SERPINF1: variants seen among roughly 807,000 people sequenced by gnomAD.
SERPINF1 encodes the protein serpin family F member 1.
Under a neutral mutation model 37.3 loss-of-function variants are expected in SERPINF1, and 29 were observed. The observed-to-expected ratio is 0.78, with a 90% CI of 0.58 to 1.06. SERPINF1 has a LOEUF of 1.06. SERPINF1 is among the 50% of genes least tolerant of loss of function. The pLI is 0.00. For missense variants in SERPINF1, 553 were observed against 532.2 expected, an observed-to-expected ratio of 1.04 and a Z score of -0.38; for synonymous variants, 281 against 227.9, an observed-to-expected ratio of 1.23 and a Z score of -2.10.
intron 6 of SERPINF1, 79 bp from the exon 7 acceptor site, chr17:1,776,453 G>T: frequency 1.5e-6 from 2 of 1,317,450 alleles, no homozygotes; most frequent in Admixed American, 1.7e-5. Flanking sequence ...CACGGGAGAG[G>T]GAAGGCAGCT....
At chr17:1,770,842 C>A (rs1907681911) in intron 3 of SERPINF1, 187 bp from the exon 4 acceptor site, 1 of 686,754 alleles carries the variant, frequency 1.5e-6, no homozygotes, top group Non-Finnish European at 2.6e-6. Context: ...AGGCCTGATG[C>A]CTTTAACCTA....
intron 2 of SERPINF1, among the ~76,000 whole-genome samples, chr17:1,767,743 G>C (rs58231904): frequency 6.6e-6 from 1 of 152,110 alleles, no homozygotes; most frequent in Non-Finnish European, 1.5e-5. Flanking sequence ...TGAATTCTGC[G>C]TCTCCCTCTT....
chr17:1,768,792 T>A (rs545382870), intron 2 of SERPINF1, among the ~76,000 whole-genome samples: 1 of 151,380 alleles, frequency 6.6e-6, no homozygotes, highest in African/African-American at 2.4e-5. Flanking sequence ...TTTTTATATT[T>A]ATATTTATTT....
intron 3 of SERPINF1, chr17:1,770,386 G>T: frequency 2.2e-6 from 1 of 446,168 alleles, no homozygotes. Context: ...GCAGGTGTGG[G>T]CTTGCCCTCA....
At chr17:1,765,067 C>T (rs1407387740) in intron 1 of SERPINF1, among the ~76,000 whole-genome samples, 1 of 151,328 alleles carries the variant, frequency 6.6e-6, no homozygotes, top group Non-Finnish European at 1.5e-5. Context: ...TGGTCTCAAA[C>T]TCCTGACCTC....
intron 5 of SERPINF1, among the ~76,000 whole-genome samples, chr17:1,773,443 G>C (rs993288104): frequency 6.6e-6 from 1 of 151,880 alleles, no homozygotes; most frequent in African/African-American, 2.4e-5. Flanking sequence ...ATGGGGTTTC[G>C]CCATGCTGGC....
chr17:1,769,750 A>G (rs896233099), intron 2 of SERPINF1, 102 bp from the exon 3 acceptor site: 1 of 1,307,832 alleles, frequency 7.6e-7, no homozygotes, highest in Non-Finnish European at 1.1e-6. Flanking sequence ...GACAGCCCCA[A>G]GGGGCCAGAA....
At chr17:1,767,101 G>A (rs911723186) in intron 2 of SERPINF1, 107 bp downstream of exon 2, 70 of 956,240 alleles carry the variant, frequency 7.3e-5, no homozygotes, top group Middle Eastern at 3.3e-4. Flanking sequence ...GGCCAGGCTT[G>A]GGCCTTTATT....
intron 1 of SERPINF1, among the ~76,000 whole-genome samples, chr17:1,765,251 T>A (rs1237075376): frequency 1.3e-5 from 2 of 151,734 alleles, no homozygotes; most frequent in Non-Finnish European, 2.9e-5. Context: ...CAAGTGATTC[T>A]CCAGCCTTAG....
intron 1 of SERPINF1, chr17:1,766,648 A>G (rs938771960): frequency 9.4e-5 from 38 of 405,768 alleles, no homozygotes; most frequent in African/African-American, 6.8e-4. Context: ...GTGGAACAAA[A>G]GCACAAGCTT....
chr17:1,772,083 C>T lies in SERPINF1; in HGVS notation c.643+8C>T, dbSNP rs149399910. The T allele has an allele frequency of 2.0e-3, 3,199 of 1,611,376 alleles. 12 individuals carry two copies. Among genetic ancestry groups the T allele is most frequent in the African/African-American group, 0.01 (755 of 74,582 alleles). On this transcript the variant is annotated splice_region_variant and intron_variant, in intron 5 of 7. Coordinates refer to ENST00000254722, the MANE Select transcript of SERPINF1 (RefSeq NM_002615.7). Reference sequence around the variant, plus strand: ...GTGTGGCGCACTTCAAGGGTGAGCGCGTCTCCAATTCTTTTTCATTTATTT... The same window carrying T: ...GTGTGGCGCACTTCAAGGGTGAGCGTGTCTCCAATTCTTTTTCATTTATTT...
At chr17:1,775,538 C>T (rs1047977203) in intron 6 of SERPINF1, among the ~76,000 whole-genome samples, 3 of 148,490 alleles carry the variant, frequency 2.0e-5, no homozygotes, top group Admixed American at 6.7e-5. Flanking sequence ...AACTCCAAAT[C>T]GTTGGCATCT....
chr17:1,766,691 GGGGCGGGAGAACCTTGCTGGGAGGGAT>G (rs1465216497), intron 1 of SERPINF1, 185 bp from the exon 2 acceptor site: 10 of 572,396 alleles, frequency 1.7e-5, no homozygotes, highest in South Asian at 4.4e-5. Context: ...GGCAGGGGGA[GGGGCGGGAGAACCTTGCTGGGAGGGAT>G]GGGCCATCAA....
Position 1,777,494 on chromosome 17 carries a change from G to C in SERPINF1, c.*48G>C, listed in dbSNP as rs1908120359. ...ACCCTAGAAGAAAACCCGAGGGACA[G>C]CAGATTCCACAGGACACGAAGGCTG... On this transcript the variant is annotated 3_prime_UTR_variant, in exon 8 of 8. Coordinates refer to ENST00000254722, the MANE Select transcript of SERPINF1 (RefSeq NM_002615.7). The C allele has an allele frequency of 1.9e-6, 3 of 1,612,600 alleles. No individual in the cohort carries two copies. The highest frequency in any genetic ancestry group is 1.3e-5 in the African/African-American group (1 of 75,000).
At chr17:1,769,441 G>A (rs966158021) in intron 2 of SERPINF1, among the ~76,000 whole-genome samples, 5 of 150,828 alleles carry the variant, frequency 3.3e-5, no homozygotes, top group Non-Finnish European at 5.9e-5. Context: ...CATAGGTTTC[G>A]GCTTATAGGT....
chr17:1,765,889 A>T (rs1907341035), intron 1 of SERPINF1, among the ~76,000 whole-genome samples: 2 of 138,684 alleles, frequency 1.4e-5, no homozygotes, highest in African/African-American at 5.3e-5. Flanking sequence ...AAAAAAAAAA[A>T]TTTCAAATGT....
At chr17:1,777,106 C>T in intron 7 of SERPINF1, 81 bp from the exon 8 acceptor site, 1 of 1,608,664 alleles carries the variant, frequency 6.2e-7, no homozygotes, top group Non-Finnish European at 8.5e-7. Flanking sequence ...TGCGCCATCC[C>T]AGCTTGCTTG....
rs539584593 is a variant in SERPINF1 at position 1,776,854 on chromosome 17, C to T, written c.997+112C>T. On this transcript the variant is annotated intron_variant, in intron 7 of 7. Transcript: ENST00000254722. ...GGGCTCCACAGGCTTGTAGGGGGGC[C>T]GTGGATGAGTCCTTAATCCTCATCG... is the stretch of plus-strand genomic sequence containing the variant. 268 of 977,518 alleles carry T rather than the reference C, an allele frequency of 2.7e-4. 7 individuals are homozygous for T. In the South Asian group the frequency reaches 3.3e-3, roughly 12 times the overall value. 60.6% of individuals were successfully genotyped at this position (977,518 alleles called of 1,614,324 possible). A position where few individuals can be genotyped will look rare whatever the true frequency, so the allele number is the denominator to read the frequency against.
rs750124040 is a variant in SERPINF1, at chr17:1,775,092, T to C, written c.678T>C (p.Thr226=). Residue 226 remains threonine, a synonymous_variant, in exon 6 of 8, where the codon ACT becomes ACC. Coordinates refer to ENST00000254722, the MANE Select transcript of SERPINF1 (RefSeq NM_002615.7). ...QWVTKFDSRK[T]SLEDFYLDEE... ...TAACAAAGTTTGACTCCAGAAAGAC[T>C]TCCCTCGAGGATTTCTACTTGGATG... 3.7e-6 allele frequency: 6 copies of C among 1,614,104 alleles called. No individual in the cohort carries two copies. Among genetic ancestry groups the C allele is most frequent in the Non-Finnish European group, 5.1e-6 (6 of 1,180,012 alleles).
Sources: gnomAD v4.1 joint callset for allele counts (sites outside exome capture counted in the v4.1 genomes callset) on GRCh38, gnomAD v4.1.1 for gene constraint, MANE v1.5 for transcripts, NCBI Gene and HGNC (gene_info 2026-07-23, HGNC 2026-07-21) for gene names.